FAT3: variants seen among roughly 807,000 people sequenced by gnomAD.
FAT3 encodes the protein protocadherin Fat 3.
FAT3 carries 95 observed loss-of-function variants against 310.2 expected under a neutral mutation model. The ratio of observed to expected loss-of-function variants is 0.31; its 90% CI spans 0.26 to 0.36. FAT3 has a LOEUF of 0.36. Ranked by LOEUF, FAT3 falls within the 10% of genes least tolerant of loss-of-function variation. The probability of loss-of-function intolerance (pLI) is 1.00; values close to 1 mark genes in which losing one functional copy is unlikely to be tolerated. For synonymous variants in FAT3, 2,314 were observed against 2,192.9 expected, an observed-to-expected ratio of 1.06 and a Z score of -1.54; for missense variants, 5,408 against 5,715.6, an observed-to-expected ratio of 0.95 and a Z score of 1.74.
At chr11:92,310,672 T>C (rs1947274071) in intron 1 of FAT3, among the ~76,000 whole-genome samples, 1 of 152,088 alleles carries the variant, frequency 6.6e-6, no homozygotes. Flanking sequence ...TATATGTGTA[T>C]GTTTGTATAT....
chr11:92,307,030 C>G (rs1406283129), intron 1 of FAT3, among the ~76,000 whole-genome samples: 2 of 151,162 alleles, frequency 1.3e-5, no homozygotes, highest in East Asian at 1.9e-4. Context: ...CTCTTGGGGT[C>G]AAGTTATCCT....
At chr11:92,340,969 C>T (rs935327818) in intron 1 of FAT3, among the ~76,000 whole-genome samples, 4 of 152,160 alleles carry the variant, frequency 2.6e-5, no homozygotes, top group Non-Finnish European at 4.4e-5. Context: ...TGAGCTCCAT[C>T]ACCTGGCTTT....
intron 3 of FAT3, among the ~76,000 whole-genome samples, chr11:92,565,562 A>T (rs1376690121): frequency 6.6e-6 from 1 of 151,764 alleles, no homozygotes; most frequent in Admixed American, 6.6e-5. Context: ...CCTGATACCA[A>T]AGCTGGGCAG....
At chr11:92,319,127 T>A (rs998332714) in intron 1 of FAT3, among the ~76,000 whole-genome samples, 12 of 152,180 alleles carry the variant, frequency 7.9e-5, no homozygotes, top group Non-Finnish European at 1.8e-4. Context: ...GACATCTCTA[T>A]GAAAGGCACT....
At chr11:92,837,558 G>A in intron 16 of FAT3, 105 bp from the exon 17 acceptor site, 30 of 1,356,034 alleles carry the variant, frequency 2.2e-5, no homozygotes, top group Non-Finnish European at 2.9e-5. Flanking sequence ...ACTAAAGATG[G>A]TTGCTCTTTA....
intron 1 of FAT3, among the ~76,000 whole-genome samples, chr11:92,350,669 C>T (rs1948540810): frequency 6.6e-6 from 1 of 152,082 alleles, no homozygotes; most frequent in African/African-American, 2.4e-5. Flanking sequence ...AATGTCTCAA[C>T]TAAATAGATT....
intron 2 of FAT3, among the ~76,000 whole-genome samples, chr11:92,376,471 G>A (rs369890401): frequency 3.9e-5 from 6 of 152,126 alleles, no homozygotes; most frequent in African/African-American, 1.2e-4. Flanking sequence ...ATCATTCTGG[G>A]GATCTCACAT....
rs949912493 is a variant in FAT3 at position 92,895,154 on chromosome 11, T to C, written c.*4041T>C. Reference sequence around the variant, plus strand: ...AGGTATTGCTAAAGTGGTTAGGCTTTAATGTTTTATGTTTTTAGTTTCAAA... The same window carrying C: ...AGGTATTGCTAAAGTGGTTAGGCTTCAATGTTTTATGTTTTTAGTTTCAAA... On this transcript the variant is annotated 3_prime_UTR_variant, in exon 28 of 28. Coordinates refer to ENST00000525166, the MANE Select transcript of FAT3 (RefSeq NM_001367949.2). 1 of 152,382 alleles carries C rather than the reference T, an allele frequency of 6.6e-6. No individual in the cohort carries two copies. Among genetic ancestry groups the C allele is most frequent in the African/African-American group, 2.4e-5 (1 of 41,600 alleles). The allele number at this position is 152,382 out of a possible 1,614,324, so 9.4% of individuals were successfully genotyped here.
At chr11:92,383,273 A>G (rs1016316364) in intron 2 of FAT3, among the ~76,000 whole-genome samples, 3 of 152,178 alleles carry the variant, frequency 2.0e-5, no homozygotes, top group African/African-American at 7.2e-5. Flanking sequence ...TGTCCTTGCT[A>G]TTGTGAATAC....
chr11:92,315,498 TATATATATATATATAGAGAGAG>T (rs1238949747), intron 1 of FAT3, among the ~76,000 whole-genome samples: 7 of 92,104 alleles, frequency 7.6e-5, no homozygotes, highest in African/African-American at 2.8e-4. Flanking sequence ...TATATATATA[TATATATATATATATAGAGAGAG>T]AGAGAGAGAG....
At chr11:92,279,849 C>T (rs372032986) in intron 1 of FAT3, among the ~76,000 whole-genome samples, 1 of 152,046 alleles carries the variant, frequency 6.6e-6, no homozygotes, top group East Asian at 1.9e-4. Context: ...TTTTTAAAAT[C>T]CCCACTAAAA....
rs751252094 is a variant in FAT3, at chr11:92,790,176, G to A, written c.4569G>A (p.Arg1523=). 4 of 1,613,624 alleles carry A rather than the reference G, an allele frequency of 2.5e-6. No individual in the cohort carries two copies. The highest frequency in any genetic ancestry group is 3.4e-6 in the Non-Finnish European group (4 of 1,179,698). Residue 1523 remains arginine, a synonymous_variant, in exon 8 of 28, where the codon AGG becomes AGA. Coordinates refer to ENST00000525166, the MANE Select transcript of FAT3 (RefSeq NM_001367949.2). ...CTGGCGTGCTCTATACTGCCGAGAG[G>A]CTGGACCATGAGGCCCAGGACAAGC... ...PSTGVLYTAE[R]LDHEAQDKHI... is the part of the protein sequence containing the mutation.
chr11:92,525,139 G>C (rs1447799383), intron 3 of FAT3, among the ~76,000 whole-genome samples, 191 bp downstream of exon 3: 1 of 152,144 alleles, frequency 6.6e-6, no homozygotes, highest in Non-Finnish European at 1.5e-5. Context: ...CACTGAGTGG[G>C]AGTGATCTAA....
Position 92,799,457 on chromosome 11 carries a change from C to G in FAT3, c.6444C>G (p.Asp2148Glu). 6.2e-7 allele frequency: 1 copy of G among 1,613,668 alleles called. No homozygotes were observed. The highest frequency in any genetic ancestry group is 1.1e-5 in the South Asian group (1 of 90,992). Residue 2148 changes from aspartate to glutamate, a missense_variant, in exon 10 of 28, where the codon GAC becomes GAG. Transcript: ENST00000525166. ...NVILKEAFNSDLSNIEYGVTI... is the reference protein window; with the variant it reads ...NVILKEAFNSELSNIEYGVTI... ...TTTTAAAGGAAGCATTCAACTCTGA[C>G]TTGTCCAACATTGAGTATGGAGTCA...
chr11:92,886,800 G>A (rs1327528976), intron 24 of FAT3, 200 bp from the exon 25 acceptor site: 5 of 556,888 alleles, frequency 9.0e-6, no homozygotes, highest in African/African-American at 3.8e-5. Context: ...TAAGGGTTTC[G>A]AATCCATAAT....
rs754553982 is a variant in FAT3 at position 92,883,175 on chromosome 11, G to A, written c.12719G>A (p.Cys4240Tyr). 1 of 1,613,528 alleles carries A rather than the reference G, an allele frequency of 6.2e-7. No homozygotes were observed. Among genetic ancestry groups the A allele is most frequent in the Non-Finnish European group, 8.5e-7 (1 of 1,179,854 alleles). The part of the protein sequence containing the change: ...VPVRPMAYTP[C>Y]FQSDSRSNLD... ...GTGCGCCCCATGGCCTACACACCCT[G>A]CTTCCAGAGTGACTCCAGGAGCAAC... Residue 4240 changes from cysteine to tyrosine, a missense_variant, in exon 24 of 28, where the codon TGC becomes TAC. Physicochemically the swap from Cys to Tyr is radical, Grantham distance 194. Coordinates refer to ENST00000525166, the MANE Select transcript of FAT3 (RefSeq NM_001367949.2). The surrounding 1 kb of genome is among the most constrained non-coding windows in gnomAD (Gnocchi z 4.2).
intron 2 of FAT3, among the ~76,000 whole-genome samples, chr11:92,388,357 A>G (rs1042192875): frequency 3.3e-5 from 5 of 152,120 alleles, no homozygotes; most frequent in Non-Finnish European, 7.4e-5. Context: ...TGATCTCCCA[A>G]CTATCACTGA....
At chr11:92,261,934 C>T (rs1050923037) in intron 1 of FAT3, among the ~76,000 whole-genome samples, 1 of 151,798 alleles carries the variant, frequency 6.6e-6, no homozygotes, top group Non-Finnish European at 1.5e-5. Context: ...ATTTTGCCTG[C>T]ATTCCAGGTT....
chr11:92,349,510 A>G (rs11019918), intron 1 of FAT3, among the ~76,000 whole-genome samples: 1 of 152,278 alleles, frequency 6.6e-6, no homozygotes, highest in East Asian at 1.9e-4. Context: ...GGGCTTCGCC[A>G]CTCTGCTAGG....
Sources: allele counts gnomAD v4.1 joint callset (sites outside exome capture counted in the v4.1 genomes callset), GRCh38; gene constraint gnomAD v4.1.1; non-coding constraint Gnocchi (gnomAD v3.1); transcripts MANE v1.5; gene names NCBI Gene and HGNC (gene_info 2026-07-23, HGNC 2026-07-21).